DNAH17: variants seen among roughly 807,000 people sequenced by gnomAD.
The protein encoded by DNAH17 is dynein axonemal heavy chain 17.
Under a neutral mutation model 485.6 loss-of-function variants are expected in DNAH17, and 376 were observed. The observed-to-expected ratio is 0.77, with a 90% CI of 0.71 to 0.84. The LOEUF (loss-of-function observed/expected upper bound fraction) is 0.84. Ranked by LOEUF, DNAH17 falls within the 40% of genes least tolerant of loss-of-function variation. DNAH17 has a pLI of 0.00. For synonymous variants in DNAH17, 3,031 were observed against 2,405.9 expected, an observed-to-expected ratio of 1.26 and a Z score of -7.60; for missense variants, 6,370 against 5,839.3, an observed-to-expected ratio of 1.09 and a Z score of -2.96.
Position 78,450,786 on chromosome 17 carries a change from G to A in DNAH17, c.10795C>T (p.Leu3599Phe). ...GACGCAGCCGACAGACGGGCCAGGAGCGAATCTTCCAGCTCTTTCAGAACA... is the reference window on the plus strand; with the variant it reads ...GACGCAGCCGACAGACGGGCCAGGAACGAATCTTCCAGCTCTTTCAGAACA... ...KIVLKELEDS[L>F]LARLSAASGN... Residue 3599 changes from leucine to phenylalanine, a missense_variant, in exon 67 of 81, where the codon CTC becomes TTC. Physicochemically the swap from Leu to Phe is conservative, Grantham distance 22. Transcript: ENST00000389840. 6.2e-7 allele frequency: 1 copy of A among 1,614,072 alleles called. No individual in the cohort carries two copies. The highest frequency in any genetic ancestry group is 8.5e-7 in the Non-Finnish European group (1 of 1,179,908).
intron 11 of DNAH17, among the ~76,000 whole-genome samples, chr17:78,562,219 T>TA (rs2092172609): frequency 6.6e-6 from 1 of 152,144 alleles, no homozygotes; most frequent in Non-Finnish European, 1.5e-5. Context: ...ACAGTACAAA[T>TA]AAGTCCAAGG....
chr17:78,510,757 C>CA (rs1555679595), intron 26 of DNAH17: 17 of 431,252 alleles, frequency 3.9e-5, no homozygotes, highest in African/African-American at 9.7e-5. Flanking sequence ...TGCGGCCCCC[C>CA]CGCAAAATTC....
chr17:78,530,817 A>G (rs541817089), intron 20 of DNAH17, among the ~76,000 whole-genome samples: 1 of 152,314 alleles, frequency 6.6e-6, no homozygotes, highest in East Asian at 1.9e-4. Flanking sequence ...GAACCAGGTC[A>G]CAGGCTCCTA....
rs763126791 is a variant in DNAH17, at chr17:78,498,971, C to T, written c.5745+37G>A. 5.2e-6 allele frequency: 8 copies of T among 1,525,954 alleles called. No individual in the cohort carries two copies. In the Admixed American group the frequency reaches 1.6e-4, roughly 30 times the overall value. 94.5% of individuals were successfully genotyped at this position (1,525,954 alleles called of 1,614,324 possible). A position where few individuals can be genotyped will look rare whatever the true frequency, so the allele number is the denominator to read the frequency against. ...ACAGGAAAGCTGACGAGCCAGTCAC[C>T]CGACGTGACCCCGAGGCCGCAGGCA... is the stretch of plus-strand genomic sequence containing the variant. On this transcript the variant is annotated intron_variant, in intron 37 of 80. Coordinates refer to ENST00000389840, the MANE Select transcript of DNAH17 (RefSeq NM_173628.4).
At chr17:78,452,176 C>A (rs2087582768) in intron 65 of DNAH17, among the ~76,000 whole-genome samples, 1 of 150,924 alleles carries the variant, frequency 6.6e-6, no homozygotes, top group Non-Finnish European at 1.5e-5. Flanking sequence ...CTCCCAGAGT[C>A]TAGGACCTCT....
chr17:78,525,059 A>C lies in DNAH17; in HGVS notation c.3814T>G (p.Cys1272Gly). 6.2e-7 allele frequency: 1 copy of C among 1,613,818 alleles called. No individual in the cohort carries two copies. The highest frequency in any genetic ancestry group is 8.5e-7 in the Non-Finnish European group (1 of 1,179,834). Reference sequence around the variant, plus strand: ...TTCAGTAGGCGGACCTCCCGGTGGCAGGCCTTGAGCTGCTTGTAGTCTGGG... The same window carrying C: ...TTCAGTAGGCGGACCTCCCGGTGGCCGGCCTTGAGCTGCTTGTAGTCTGGG... The part of the protein sequence containing the change: ...PVPDYKQLKA[C>G]HREVRLLKEL... The change falls in exon 25 of 81, where the codon TGC (cysteine) becomes GGC (glycine). Residue 1272 changes from cysteine to glycine, a missense_variant. Coordinates refer to ENST00000389840, the MANE Select transcript of DNAH17 (RefSeq NM_173628.4).
chr17:78,449,307 C>T, intron 69 of DNAH17, 107 bp downstream of exon 69: 1 of 1,206,508 alleles, frequency 8.3e-7, no homozygotes, highest in Non-Finnish European at 1.2e-6. Flanking sequence ...TTTGAAATCA[C>T]CAGGTTTGGG....
intron 12 of DNAH17, 97 bp from the exon 13 acceptor site, chr17:78,561,032 C>G (rs560303212): frequency 1.7e-6 from 2 of 1,181,776 alleles, no homozygotes; most frequent in African/African-American, 3.0e-5. Flanking sequence ...GGTGCCGAAG[C>G]GGCCGGCCAC....
In DNAH17 at chr17:78,424,027, T is replaced by C; in HGVS notation, c.13268A>G (p.Glu4423Gly). Residue 4423 changes from glutamate to glycine, a missense_variant, in exon 81 of 81, where the codon GAG (glutamate) becomes GGG (glycine). Glu to Gly is a moderately conservative substitution (Grantham distance 98). Transcript: ENST00000389840. ...GATGCGTGTTTTGTACACGGGACACTCATAGATGTTCTTGGTCTCCATGCG... is the reference window on the plus strand; with the variant it reads ...GATGCGTGTTTTGTACACGGGACACCCATAGATGTTCTTGGTCTCCATGCG... ...VDRMETKNIYECPVYKTRIRG... is the reference protein window; with the variant it reads ...VDRMETKNIYGCPVYKTRIRG... 2 of 1,614,060 alleles carry C rather than the reference T, an allele frequency of 1.2e-6. No homozygotes were observed. Among genetic ancestry groups the C allele is most frequent in the South Asian group, 2.2e-5 (2 of 91,084 alleles).
Position 78,569,182 on chromosome 17 carries a change from C to T in DNAH17, c.1268G>A (p.Arg423His), listed in dbSNP as rs759303219. Residue 423 changes from arginine to histidine, a missense_variant, in exon 9 of 81, where the codon CGC (arginine) becomes CAC (histidine). Physicochemically the swap from Arg to His is conservative, Grantham distance 29. Transcript: ENST00000389840. ...TGTTTTTACCTCAATGGTCTGGATG[C>T]GCTGGAAGAAGGAATTTATCCTGGA... ...AFSRINSFFQ[R>H]IQTIEELYKT... 8.1e-6 allele frequency: 13 copies of T among 1,604,378 alleles called. No individual in the cohort carries two copies. Among genetic ancestry groups the T allele is most frequent in the South Asian group, 4.5e-5 (4 of 88,968 alleles).
At chr17:78,491,667 C>A in intron 42 of DNAH17, 97 bp from the exon 43 acceptor site, 1 of 1,485,664 alleles carries the variant, frequency 6.7e-7, no homozygotes, top group Admixed American at 2.2e-5. Context: ...GGGAGGGAGC[C>A]TGTCCCCTAC....
At chr17:78,503,823 G>A (rs556600205) in intron 31 of DNAH17, among the ~76,000 whole-genome samples, 5 of 151,920 alleles carry the variant, frequency 3.3e-5, no homozygotes, top group South Asian at 2.1e-4. Flanking sequence ...AAAATTAGCC[G>A]GGCACGGTGG....
rs568125032 is a variant in DNAH17, at chr17:78,500,926, G to A, written c.5483+258C>T. 9 of 353,204 alleles carry A rather than the reference G, an allele frequency of 2.5e-5. No homozygotes were observed. The South Asian group carries it at 8.7e-4, about 34-fold the overall frequency. 21.9% of individuals were successfully genotyped at this position (353,204 alleles called of 1,614,324 possible). On this transcript the variant is annotated intron_variant, in intron 35 of 80. Transcript: ENST00000389840. ...GAGGTGGGCACTGCTACGACAACCA[G>A]AGTCTGCTCATGAGGGTCCATAAAA...
chr17:78,484,670 T>C, intron 48 of DNAH17, 198 bp downstream of exon 48: 1 of 392,970 alleles, frequency 2.5e-6, no homozygotes, highest in Non-Finnish European at 4.5e-6. Context: ...TGGCCCTACC[T>C]CAATGCCTTG....
intron 80 of DNAH17, chr17:78,424,474 TAC>T (rs1239175371): frequency 3.1e-5 from 10 of 324,316 alleles, no homozygotes; most frequent in East Asian, 5.6e-5. Flanking sequence ...AGCTAAAAAT[TAC>T]AGAGTAAAGT....
At chr17:78,570,856 CAAAAAAAAA>C (rs60897530) in intron 6 of DNAH17, 83 bp downstream of exon 6, 21 of 292,132 alleles carry the variant, frequency 7.2e-5, no homozygotes, top group Middle Eastern at 1.1e-3. Context: ...GACTCCCTCT[CAAAAAAAAA>C]AAAAAAAAAA....
At chr17:78,514,413 A>T (rs2090719564) in intron 26 of DNAH17, among the ~76,000 whole-genome samples, 1 of 151,502 alleles carries the variant, frequency 6.6e-6, no homozygotes, top group Non-Finnish European at 1.5e-5. Context: ...GCTAAGGCAG[A>T]AGAACTGCTT....
chr17:78,549,105 C>G (rs1214815071), intron 16 of DNAH17, among the ~76,000 whole-genome samples: 2 of 152,214 alleles, frequency 1.3e-5, no homozygotes, highest in Non-Finnish European at 2.9e-5. Flanking sequence ...AACTGCACGT[C>G]TGTGTTCTCT....
rs750101621 is a variant in DNAH17 at position 78,569,259 on chromosome 17, GGAGA to G, written c.1198-11_1198-8del. The G allele has an allele frequency of 6.2e-7, 1 of 1,600,390 alleles. No individual in the cohort carries two copies. The highest frequency in any genetic ancestry group is 1.1e-5 in the South Asian group (1 of 88,812). On this transcript the variant is annotated splice_region_variant and splice_polypyrimidine_tract_variant and intron_variant, in intron 8 of 80. Transcript: ENST00000389840. ...AAGGCACGGGCTCTTTGTCCTTAGA[GGAGA>G]GAAAGAGAGATGAGGCCACGTTTGC...
Sources: gnomAD v4.1 joint callset for allele counts (sites outside exome capture counted in the v4.1 genomes callset) on GRCh38, gnomAD v4.1.1 for gene constraint, MANE v1.5 for transcripts, NCBI Gene and HGNC (gene_info 2026-07-23, HGNC 2026-07-21) for gene names.